Variants in PTPRK observed in about 807,000 individuals in gnomAD.
The protein encoded by PTPRK is protein tyrosine phosphatase receptor type K, also known as receptor-type tyrosine-protein phosphatase kappa.
PTPRK carries 75 observed loss-of-function variants against 178.0 expected under a neutral mutation model. The observed-to-expected ratio is 0.42, with a 90% CI of 0.35 to 0.51. The LOEUF (loss-of-function observed/expected upper bound fraction) is 0.51. Among genes scored for constraint, PTPRK ranks in the 20% least tolerant of loss-of-function variants. PTPRK has a pLI of 0.02. For synonymous variants in PTPRK, 637 were observed against 620.6 expected (o/e 1.03, Z -0.39); for missense variants, 1,441 against 1,797.8 (o/e 0.80, Z 3.59).
intron 3 of PTPRK, among the ~76,000 whole-genome samples, chr6:128,294,260 C>A (rs556022195): frequency 1.3e-5 from 2 of 151,946 alleles, no homozygotes; most frequent in Non-Finnish European, 2.9e-5. Context: ...TATTCCTAAC[C>A]CTGGTGCTAA....
chr6:128,379,836 G>T (rs1008679630), intron 2 of PTPRK, among the ~76,000 whole-genome samples: 3 of 152,098 alleles, frequency 2.0e-5, no homozygotes, highest in Admixed American at 6.6e-5. Flanking sequence ...GGAATGGATG[G>T]CAAACTGTCT....
At chr6:128,353,558 T>A (rs1833487221) in intron 2 of PTPRK, among the ~76,000 whole-genome samples, 1 of 152,182 alleles carries the variant, frequency 6.6e-6, no homozygotes, top group African/African-American at 2.4e-5. Flanking sequence ...CTTGCATGGA[T>A]CCTAAGGGAA....
intron 7 of PTPRK, 127 bp downstream of exon 7, chr6:128,184,305 C>T (rs1802406286): frequency 1.0e-6 from 1 of 975,534 alleles, no homozygotes; most frequent in Non-Finnish European, 1.5e-6. Context: ...TTATGTAATT[C>T]ATTGGAACTC....
rs959974369 is a variant in PTPRK at position 127,970,080 on chromosome 6, TA to T, written c.*146del. 8.7e-5 allele frequency: 48 copies of T among 548,672 alleles called. No homozygotes were observed. Among genetic ancestry groups the T allele is most frequent in the Admixed American group, 3.3e-4 (9 of 26,928 alleles). The allele number at this position is 548,672 out of a possible 1,614,324, so 34.0% of individuals were successfully genotyped here. ...CTTTTTATTAAGATACACAACTTCA[TA>T]AAAAAAATACTTTTACCTCTCAAAT... On this transcript the variant is annotated 3_prime_UTR_variant, in exon 30 of 30. Coordinates refer to ENST00000368226, the MANE Select transcript of PTPRK (RefSeq NM_002844.4).
At chr6:128,208,298 C>CAA (rs3058186) in intron 6 of PTPRK, among the ~76,000 whole-genome samples, 87 of 105,040 alleles carry the variant, frequency 8.3e-4, no homozygotes, top group East Asian at 3.4e-3. Flanking sequence ...CCTACACCCT[C>CAA]AAAAAAAAAA....
intron 3 of PTPRK, among the ~76,000 whole-genome samples, chr6:128,309,172 C>T (rs1458376258): frequency 6.6e-6 from 1 of 152,020 alleles, no homozygotes; most frequent in African/African-American, 2.4e-5. Flanking sequence ...CAGTCTAATC[C>T]AACTGAGCAT....
chr6:128,462,689 C>CT (rs1849229057), intron 1 of PTPRK, among the ~76,000 whole-genome samples: 1 of 150,768 alleles, frequency 6.6e-6, no homozygotes, highest in Non-Finnish European at 1.5e-5. Flanking sequence ...GAGTTTTGCT[C>CT]TTGTTGCCCA....
intron 1 of PTPRK, among the ~76,000 whole-genome samples, chr6:128,435,947 A>G (rs1407887800): frequency 1.3e-5 from 2 of 151,344 alleles, no homozygotes; most frequent in Non-Finnish European, 2.9e-5. Context: ...TAAGTCAACT[A>G]ATTGACCAAA....
chr6:128,238,359 A>C (rs1813744160), intron 5 of PTPRK, among the ~76,000 whole-genome samples: 1 of 152,132 alleles, frequency 6.6e-6, no homozygotes, highest in Non-Finnish European at 1.5e-5. Context: ...AAACAAAAAA[A>C]AAAAATGAGC....
At chr6:128,272,665 T>C (rs1395897407) in intron 3 of PTPRK, among the ~76,000 whole-genome samples, 3 of 152,136 alleles carry the variant, frequency 2.0e-5, no homozygotes, top group Admixed American at 6.6e-5. Flanking sequence ...TGAGATGCCA[T>C]CTCACACCAG....
chr6:128,084,815 TA>T (rs1434695024), intron 8 of PTPRK: 11 of 152,336 alleles, frequency 7.2e-5, no homozygotes, highest in African/African-American at 2.4e-4. Context: ...CCTACTTGGC[TA>T]AAAAATGTGT....
chr6:128,337,670 GCTT>G (rs1354592134), intron 2 of PTPRK, among the ~76,000 whole-genome samples: 1 of 152,128 alleles, frequency 6.6e-6, no homozygotes, highest in Non-Finnish European at 1.5e-5. Flanking sequence ...CCTTCATGGG[GCTT>G]CTTCTGCATG....
At chr6:128,259,915 A>G (rs1817922063) in intron 3 of PTPRK, among the ~76,000 whole-genome samples, 1 of 152,182 alleles carries the variant, frequency 6.6e-6, no homozygotes, top group South Asian at 2.1e-4. Flanking sequence ...AGTCCATAAC[A>G]TATGTAAAGC....
intron 2 of PTPRK, among the ~76,000 whole-genome samples, chr6:128,358,434 C>T (rs1013555952): frequency 2.0e-5 from 3 of 152,144 alleles, no homozygotes; most frequent in Non-Finnish European, 4.4e-5. Context: ...CAGTGTGCAG[C>T]TGAATGAAAA....
At chr6:128,502,004 C>T (rs1385220970) in intron 1 of PTPRK, among the ~76,000 whole-genome samples, 1 of 152,136 alleles carries the variant, frequency 6.6e-6, no homozygotes, top group Non-Finnish European at 1.5e-5. Flanking sequence ...TTGATTCTTC[C>T]AATATTTCTG....
At chr6:128,208,801 T>C (rs757127502) in intron 6 of PTPRK, among the ~76,000 whole-genome samples, 7 of 152,186 alleles carry the variant, frequency 4.6e-5, no homozygotes, top group African/African-American at 7.2e-5. Flanking sequence ...TAATGCCCTA[T>C]GATTAGTTTA....
chr6:128,127,950 C>T (rs893645602), intron 7 of PTPRK, among the ~76,000 whole-genome samples: 1 of 151,984 alleles, frequency 6.6e-6, no homozygotes, highest in African/African-American at 2.4e-5. Context: ...ATTAATATAC[C>T]CTTTTAAAAT....
chr6:128,249,257 C>G (rs1816039310), intron 3 of PTPRK, among the ~76,000 whole-genome samples: 1 of 148,594 alleles, frequency 6.7e-6, no homozygotes, highest in Admixed American at 6.7e-5. Flanking sequence ...AATTGATAAC[C>G]CTGAATTTCT....
chr6:128,232,863 G>A (rs1812535961), intron 5 of PTPRK, among the ~76,000 whole-genome samples: 1 of 152,182 alleles, frequency 6.6e-6, no homozygotes, highest in African/African-American at 2.4e-5. Context: ...ACCACGTCCA[G>A]ACATTAGAGC....
Sources: allele counts gnomAD v4.1 joint callset (sites outside exome capture counted in the v4.1 genomes callset), GRCh38; gene constraint gnomAD v4.1.1; transcripts MANE v1.5; gene names NCBI Gene and HGNC (gene_info 2026-07-23, HGNC 2026-07-21).